The following FAM135B variants were observed in gnomAD, a reference collection of about 807,000 sequenced individuals.
The protein encoded by FAM135B is protein FAM135B.
In FAM135B, 43 loss-of-function variants were observed where a neutral mutation model predicts 127.7. The observed-to-expected ratio is 0.34, with a 90% confidence interval of 0.26 to 0.43. The LOEUF is 0.43. Ranked by LOEUF, FAM135B falls within the 20% of genes least tolerant of loss-of-function variation. The pLI, the probability that FAM135B is intolerant of heterozygous loss-of-function variation, is 1.00. For missense variants in FAM135B, 1,558 were observed against 1,725.6 expected, an observed-to-expected ratio of 0.90 and a Z score of 1.72; for synonymous variants, 670 against 665.1, an observed-to-expected ratio of 1.01 and a Z score of -0.11.
chr8:138,253,634 T>A (rs1039921416), intron 5 of FAM135B, among the ~76,000 whole-genome samples: 1 of 152,138 alleles, frequency 6.6e-6, no homozygotes, highest in African/African-American at 2.4e-5. Context: ...TCAAGCATCC[T>A]CCCGAGCTGT....
At chr8:138,430,990 A>G (rs1835161311) in intron 1 of FAM135B, among the ~76,000 whole-genome samples, 1 of 152,192 alleles carries the variant, frequency 6.6e-6, no homozygotes, top group African/African-American at 2.4e-5. Flanking sequence ...GCCCACACAG[A>G]GTAAGTCTCC....
At chr8:138,211,146 C>T (rs374834127) in intron 7 of FAM135B, among the ~76,000 whole-genome samples, 34 of 152,272 alleles carry the variant, frequency 2.2e-4, no homozygotes, top group South Asian at 8.3e-4. Context: ...GATCACTAAA[C>T]GACATGGGAG....
Position 138,281,845 on chromosome 8 carries a change from C to G in FAM135B, c.158-16003G>C, listed in dbSNP as rs992351659. On this transcript the variant is annotated intron_variant, in intron 3 of 19. Transcript: ENST00000395297. Reference sequence around the variant, plus strand: ...ATTATTTTAGAGACAGGGTCTCACTCTGTTGCTCAGGCTGGAGTGCAGTGG... The same window carrying G: ...ATTATTTTAGAGACAGGGTCTCACTGTGTTGCTCAGGCTGGAGTGCAGTGG... Among the ~76,000 whole-genome samples the G allele has an allele frequency of 7.9e-5, 12 of 152,306 alleles. 1 individual carries two copies. In the South Asian group the frequency reaches 1.9e-3, roughly 24 times the overall value.
At chr8:138,351,702 T>C (rs1182474895) in intron 2 of FAM135B, among the ~76,000 whole-genome samples, 5 of 149,714 alleles carry the variant, frequency 3.3e-5, no homozygotes, top group Admixed American at 3.3e-4. Flanking sequence ...TTTTTTTTTT[T>C]TTTTTAAGAT....
intron 15 of FAM135B, among the ~76,000 whole-genome samples, chr8:138,144,649 T>A (rs868777734): frequency 3.3e-5 from 5 of 152,316 alleles, no homozygotes; most frequent in Middle Eastern, 3.4e-3. Context: ...TATATTAACA[T>A]ATACTGCAAG....
intron 2 of FAM135B, among the ~76,000 whole-genome samples, chr8:138,363,381 G>GT (rs1830552335): frequency 1.3e-5 from 2 of 152,128 alleles, no homozygotes; most frequent in Non-Finnish European, 2.9e-5. Flanking sequence ...ACAATGTTGG[G>GT]TTGGGGGAAG....
chr8:138,354,668 G>C (rs1433565661), intron 2 of FAM135B, among the ~76,000 whole-genome samples: 1 of 152,144 alleles, frequency 6.6e-6, no homozygotes. Flanking sequence ...TCTTAGGATA[G>C]AGCCAACAAG....
chr8:138,483,060 T>C (rs912931983), intron 1 of FAM135B, among the ~76,000 whole-genome samples: 2 of 151,918 alleles, frequency 1.3e-5, no homozygotes, highest in Non-Finnish European at 2.9e-5. Flanking sequence ...AGAGACTATA[T>C]TTCAGGAACA....
At chr8:138,412,294 A>G (rs4909424) in intron 1 of FAM135B, among the ~76,000 whole-genome samples, 75,975 of 152,118 alleles carry the variant, frequency 0.5, 19,942 homozygotes, top group African/African-American at 0.65. Context: ...CCCAGGCAAC[A>G]CATTAATTGC....
At chr8:138,485,200 C>A (rs868366926) in intron 1 of FAM135B, among the ~76,000 whole-genome samples, 3 of 152,130 alleles carry the variant, frequency 2.0e-5, no homozygotes, top group African/African-American at 7.2e-5. Context: ...TTTCGATTTT[C>A]TTTTATGACT....
At position 138,153,130 on chromosome 8, in the gene FAM135B, T is replaced by C; in HGVS notation, c.1345A>G (p.Met449Val). 1 of 1,613,808 alleles carries C rather than the reference T, an allele frequency of 6.2e-7. No homozygotes were observed. The highest frequency in any genetic ancestry group is 8.5e-7 in the Non-Finnish European group (1 of 1,179,750). The stretch of plus-strand genomic sequence containing the variant: ...CTAAAAGATAAATTGCTATTTACCA[T>C]ACAGTTATCTTCCTTGTCTTTCAGA... Reference protein sequence around the residue: ...MNLKDKEDNCMVNSNLSFRED... With the variant: ...MNLKDKEDNCVVNSNLSFRED... The change falls in exon 13 of 20, where the codon ATG (methionine) becomes GTG (valine). Residue 449 changes from methionine to valine, a missense_variant. Met to Val is a conservative substitution (Grantham distance 21). Around this residue, in one of 5 missense-constraint regions of FAM135B, gnomAD observed 923 missense variants for 865.3 expected, o/e 1.07. Transcript: ENST00000395297.
Position 138,132,846 on chromosome 8 carries a change from T to A in FAM135B, c.4016-48A>T, listed in dbSNP as rs2130492253. 6.4e-7 allele frequency: 1 copy of A among 1,559,956 alleles called. No individual in the cohort carries two copies. The highest frequency in any genetic ancestry group is 8.8e-7 in the Non-Finnish European group (1 of 1,131,988). On this transcript the variant is annotated intron_variant, in intron 19 of 19. Coordinates refer to ENST00000395297, the MANE Select transcript of FAM135B (RefSeq NM_015912.4). This position sits in a 1 kb window ranked among gnomAD's most constrained non-coding sequence, Gnocchi z 4.5. ...ATGAAGCTGGTGCAGAAATTAGCAG[T>A]GGAATCTAGAGAACATCACTAGATG...
intron 2 of FAM135B, among the ~76,000 whole-genome samples, chr8:138,350,497 AACACACACACAC>A (rs59686476): frequency 1.4e-5 from 2 of 148,060 alleles, no homozygotes; most frequent in Non-Finnish European, 1.5e-5. Flanking sequence ...GGTTTTCTAC[AACACACACACAC>A]ACACACACAC....
At chr8:138,416,346 C>T (rs1046214583) in intron 1 of FAM135B, among the ~76,000 whole-genome samples, 8 of 152,162 alleles carry the variant, frequency 5.3e-5, no homozygotes, top group Non-Finnish European at 1.0e-4. Context: ...AATGTTGTCA[C>T]CTCCTAAGGG....
At chr8:138,166,950 G>A (rs116051973) in intron 12 of FAM135B, among the ~76,000 whole-genome samples, 2,113 of 152,022 alleles carry the variant, frequency 0.014, 39 homozygotes, top group Middle Eastern at 0.051. Flanking sequence ...GCCTGGAGAA[G>A]ATACCATCCC....
intron 1 of FAM135B, chr8:138,438,240 G>A (rs1835567450): frequency 6.6e-6 from 1 of 152,092 alleles, no homozygotes; most frequent in Non-Finnish European, 1.5e-5. Context: ...GCGAGAAGGA[G>A]CTCCTATAAT....
rs1831402038 is a variant in FAM135B at position 138,375,366 on chromosome 8, A to G, written c.-19-7364T>C. 2.6e-5 allele frequency among the ~76,000 whole-genome samples: 4 copies of G among 152,232 alleles called. No individual in the cohort carries two copies. In the East Asian group the frequency reaches 7.7e-4, roughly 29 times the overall value. On this transcript the variant is annotated intron_variant, in intron 1 of 19. Coordinates refer to ENST00000395297, the MANE Select transcript of FAM135B (RefSeq NM_015912.4). ...AGGTGGCACCTGGAATGGAGCCTCT[A>G]TAGTCTCTCTCTGTGTGTTTGTGTG...
intron 1 of FAM135B, among the ~76,000 whole-genome samples, chr8:138,495,537 C>G (rs924632123): frequency 5.9e-5 from 9 of 152,178 alleles, no homozygotes; most frequent in African/African-American, 2.2e-4. Context: ...TAGACTGTCC[C>G]CCGAGGCCAC....
intron 3 of FAM135B, among the ~76,000 whole-genome samples, chr8:138,274,836 T>G (rs1369784680): frequency 1.3e-5 from 2 of 151,962 alleles, no homozygotes; most frequent in African/African-American, 2.4e-5. Context: ...GCGGTCAGAG[T>G]TTAAGGTTAT....
Sources: gnomAD v4.1 joint callset for allele counts (sites outside exome capture counted in the v4.1 genomes callset) on GRCh38, gnomAD v4.1.1 for gene constraint, gnomAD v4.1.1 regional missense constraint, Gnocchi (gnomAD v3.1) non-coding constraint, MANE v1.5 for transcripts, NCBI Gene and HGNC (gene_info 2026-07-23, HGNC 2026-07-21) for gene names.